The following PRDM16 variants were observed in gnomAD, a reference collection of about 807,000 sequenced individuals.
PRDM16 encodes the protein histone-lysine N-methyltransferase PRDM16.
In PRDM16, 23 loss-of-function variants were observed where a neutral mutation model predicts 110.6. That is an observed-to-expected ratio of 0.21 (90% confidence interval 0.15 to 0.29). PRDM16 has a LOEUF of 0.29. Ranked by LOEUF, PRDM16 falls within the 10% of genes least tolerant of loss-of-function variation. PRDM16 has a pLI of 1.00. For synonymous variants in PRDM16, 799 were observed against 781.8 expected, an observed-to-expected ratio of 1.02 and a Z score of -0.37; for missense variants, 1,615 against 1,794.3, an observed-to-expected ratio of 0.90 and a Z score of 1.81.
intron 2 of PRDM16, among the ~76,000 whole-genome samples, chr1:3,237,359 C>A (rs557536881): frequency 6.6e-6 from 1 of 152,172 alleles, no homozygotes; most frequent in South Asian, 2.1e-4. Flanking sequence ...CTCCTGGGCT[C>A]CCCACCCCCA....
intron 1 of PRDM16, among the ~76,000 whole-genome samples, chr1:3,113,308 C>T (rs1015369062): frequency 2.0e-5 from 3 of 152,146 alleles, no homozygotes; most frequent in African/African-American, 2.4e-5. Flanking sequence ...GACAGGGGCC[C>T]GGAGGAGACA....
chr1:3,265,877 C>T lies in PRDM16; in HGVS notation c.438+21740C>T, dbSNP rs1219030206. On this transcript the variant is annotated intron_variant, in intron 3 of 16. Coordinates refer to ENST00000270722, the MANE Select transcript of PRDM16 (RefSeq NM_022114.4). This position sits in a 1 kb window ranked among gnomAD's most constrained non-coding sequence, Gnocchi z 4.5. ...TCTCTATGATCCCTTTACGGTCGTG[C>T]AGTGCTCCCCAGGGCTCCGCACTGC... is the stretch of plus-strand genomic sequence containing the variant. Among the ~76,000 whole-genome samples the T allele has an allele frequency of 6.6e-6, 1 of 152,062 alleles. No individual in the cohort carries two copies. Among genetic ancestry groups the T allele is most frequent in the Non-Finnish European group, 1.5e-5 (1 of 67,998 alleles).
intron 12 of PRDM16, among the ~76,000 whole-genome samples, chr1:3,422,671 T>C (rs1259884560): frequency 6.6e-6 from 1 of 152,192 alleles, no homozygotes; most frequent in Admixed American, 6.5e-5. Context: ...TTCTGGGAGA[T>C]TGTGTGGGAC....
chr1:3,154,288 T>TG (rs1002887988), intron 1 of PRDM16, among the ~76,000 whole-genome samples: 6 of 152,004 alleles, frequency 3.9e-5, no homozygotes, highest in South Asian at 2.1e-4. Flanking sequence ...GGCGGCGTGG[T>TG]GGGGGGGCAG....
chr1:3,314,105 G>C (rs1279033527), intron 3 of PRDM16, among the ~76,000 whole-genome samples: 1 of 139,598 alleles, frequency 7.2e-6, no homozygotes, highest in Non-Finnish European at 1.5e-5. Context: ...ATGGACCCAA[G>C]TCACTGTCCC....
At chr1:3,072,239 G>T (rs948753853) in intron 1 of PRDM16, among the ~76,000 whole-genome samples, 1 of 152,186 alleles carries the variant, frequency 6.6e-6, no homozygotes, top group Non-Finnish European at 1.5e-5. Flanking sequence ...GGGCTGTTGT[G>T]AGCCAGGTGG....
intron 7 of PRDM16, among the ~76,000 whole-genome samples, chr1:3,405,257 G>A (rs1643540622): frequency 6.6e-6 from 1 of 152,222 alleles, no homozygotes; most frequent in Non-Finnish European, 1.5e-5. Flanking sequence ...GTCTCACGCA[G>A]CCTCAGTTCA....
intron 2 of PRDM16, among the ~76,000 whole-genome samples, chr1:3,193,431 G>T (rs1569815725): frequency 1.3e-5 from 2 of 152,248 alleles, no homozygotes; most frequent in Non-Finnish European, 2.9e-5. Context: ...TTTGAACCCA[G>T]AAGTGTTTGA....
intron 2 of PRDM16, among the ~76,000 whole-genome samples, chr1:3,242,438 G>A (rs1639695696): frequency 6.6e-6 from 1 of 152,216 alleles, no homozygotes; most frequent in African/African-American, 2.4e-5. Context: ...CTGGGACGGG[G>A]CATCCCTTTC....
intron 3 of PRDM16, among the ~76,000 whole-genome samples, chr1:3,260,672 T>G (rs370295378): frequency 6.7e-6 from 1 of 148,394 alleles, no homozygotes; most frequent in Non-Finnish European, 1.5e-5. Context: ...ATGATGATCA[T>G]AGCTTTGATT....
rs1638836168 is a variant in PRDM16, at chr1:3,433,740, C to A, written c.3760C>A (p.Leu1254Met). 1 of 1,613,916 alleles carries A rather than the reference C, an allele frequency of 6.2e-7. No homozygotes were observed. Among genetic ancestry groups the A allele is most frequent in the Non-Finnish European group, 8.5e-7 (1 of 1,179,956 alleles). Residue 1254 changes from leucine to methionine, a missense_variant, in exon 17 of 17, where the codon CTG (leucine) becomes ATG (methionine). Physicochemically the swap from Leu to Met is conservative, Grantham distance 15 (BLOSUM62 2). Coordinates refer to ENST00000270722, the MANE Select transcript of PRDM16 (RefSeq NM_022114.4). Reference sequence around the variant, plus strand: ...TCTCCACACCCCCTCCCAGGGTTCTCTGGACGCTTGGTTGAAGGTCACTGG... The same window carrying A: ...TCTCCACACCCCCTCCCAGGGTTCTATGGACGCTTGGTTGAAGGTCACTGG... The part of the protein sequence containing the change: ...TPLHTPSQGS[L>M]DAWLKVTGAT...
intron 4 of PRDM16, among the ~76,000 whole-genome samples, chr1:3,396,119 G>T (rs541204402): frequency 6.6e-6 from 1 of 152,032 alleles, no homozygotes; most frequent in Non-Finnish European, 1.5e-5. Context: ...TGGCAAAGCG[G>T]GTCTCACTTA....
chr1:3,189,006 C>T (rs1638223058), intron 2 of PRDM16, among the ~76,000 whole-genome samples: 1 of 152,246 alleles, frequency 6.6e-6, no homozygotes, highest in African/African-American at 2.4e-5. Flanking sequence ...CCCGAAAGAG[C>T]TGATTGCTAT....
intron 1 of PRDM16, among the ~76,000 whole-genome samples, chr1:3,117,104 C>T (rs572131240): frequency 3.3e-5 from 5 of 152,332 alleles, no homozygotes; most frequent in Middle Eastern, 3.4e-3. Flanking sequence ...GCTGCTTCCT[C>T]GGTGGGAGGA....
At chr1:3,392,103 C>A (rs1419593677) in intron 4 of PRDM16, among the ~76,000 whole-genome samples, 1 of 152,262 alleles carries the variant, frequency 6.6e-6, no homozygotes, top group African/African-American at 2.4e-5. Context: ...CTCAGCCCAA[C>A]ATCCTCTCTC....
At chr1:3,084,029 C>T (rs1642092170) in intron 1 of PRDM16, among the ~76,000 whole-genome samples, 1 of 152,258 alleles carries the variant, frequency 6.6e-6, no homozygotes, top group Admixed American at 6.5e-5. Context: ...AGAGATGTCC[C>T]TGGGTCTTGG....
intron 1 of PRDM16, among the ~76,000 whole-genome samples, chr1:3,082,874 C>T (rs1642063291): frequency 6.6e-6 from 1 of 152,184 alleles, no homozygotes; most frequent in South Asian, 2.1e-4. Flanking sequence ...GTGCCTGTGG[C>T]CCCTGGGTCT....
intron 2 of PRDM16, among the ~76,000 whole-genome samples, chr1:3,221,417 A>T (rs1184760511): frequency 6.6e-6 from 1 of 152,160 alleles, no homozygotes; most frequent in Non-Finnish European, 1.5e-5. Flanking sequence ...AGCTGCTTGG[A>T]TTTGCTGTGT....
intron 2 of PRDM16, among the ~76,000 whole-genome samples, chr1:3,197,461 C>T (rs1638509066): frequency 1.3e-5 from 2 of 152,204 alleles, no homozygotes; most frequent in East Asian, 1.9e-4. Context: ...GCAGGGCTGG[C>T]ACAGGCCTGA....
Sources: allele counts gnomAD v4.1 joint callset (sites outside exome capture counted in the v4.1 genomes callset), GRCh38; gene constraint gnomAD v4.1.1; non-coding constraint Gnocchi (gnomAD v3.1); transcripts MANE v1.5; gene names NCBI Gene and HGNC (gene_info 2026-07-23, HGNC 2026-07-21).